The following TMEM254 variants were observed in gnomAD, a reference collection of about 807,000 sequenced individuals.
The protein encoded by TMEM254 is transmembrane protein C10orf57.
Under a neutral mutation model 13.9 loss-of-function variants are expected in TMEM254, and 16 were observed. That is an observed-to-expected ratio of 1.15 (90% confidence interval 0.78 to 1.75). The LOEUF (loss-of-function observed/expected upper bound fraction) is 1.75. Ranked by LOEUF, TMEM254 falls within the 40% of genes most tolerant of loss-of-function variation. The pLI is 0.00. For synonymous variants in TMEM254, 61 were observed against 56.4 expected (o/e 1.08, Z -0.36); for missense variants, 155 against 149.0 (o/e 1.04, Z -0.21).
At chr10:80,079,211 G>GGGGGGGGGGGC in intron 1 of TMEM254, 1 of 1,000,134 alleles carries the variant, frequency 1.0e-6, no homozygotes, top group Non-Finnish European at 1.4e-6. Context: ...GGCGGGGCGG[G>GGGGGGGGGGGC]CCTCTGTTTT....
intron 1 of TMEM254, chr10:80,079,191 C>A: frequency 2.5e-6 from 1 of 395,188 alleles, no homozygotes; most frequent in Non-Finnish European, 4.8e-6. Context: ...CGCGGTGAGG[C>A]GTGGGGTGGG....
chr10:80,090,717 A>G, intron 3 of TMEM254, 80 bp from the exon 4 acceptor site: 1 of 1,338,082 alleles, frequency 7.5e-7, no homozygotes, highest in Non-Finnish European at 1.0e-6. Context: ...AATTTAAAAA[A>G]TATATATATA....
At chr10:80,079,200 G>C in intron 1 of TMEM254, 1 of 1,284,946 alleles carries the variant, frequency 7.8e-7, no homozygotes, top group Non-Finnish European at 1.0e-6. Flanking sequence ...GCGTGGGGTG[G>C]GGCGGGGCGG....
At position 80,081,866 on chromosome 10, in the gene TMEM254, T is replaced by A. The variant is rs574195575; in HGVS notation, c.113T>A (p.Ile38Asn). ...TGGGTTGTCTTCTGGCCTCAGAGTA[T>A]CCCTTATCAGAACCTTGGGCCCCTG... ...YTWVVFWPQS[I>N]PYQNLGPLGP... The change falls in exon 2 of 4, where the codon ATC becomes AAC. Residue 38 changes from isoleucine to asparagine, a missense_variant. Physicochemically the swap from Ile to Asn is moderately radical, Grantham distance 149. Coordinates refer to ENST00000372281, the MANE Select transcript of TMEM254 (RefSeq NM_025125.4). 6.2e-7 allele frequency: 1 copy of A among 1,614,228 alleles called. No individual in the cohort carries two copies. Among genetic ancestry groups the A allele is most frequent in the South Asian group, 1.1e-5 (1 of 91,078 alleles).
rs746033792 is a variant in TMEM254, at chr10:80,090,781, G to GT, written c.252-10dup. 2.5e-6 allele frequency: 4 copies of GT among 1,603,436 alleles called. No homozygotes were observed. The highest frequency in any genetic ancestry group is 3.5e-5 in the Admixed American group (2 of 56,894). On this transcript the variant is annotated splice_polypyrimidine_tract_variant and intron_variant, in intron 3 of 3. Coordinates refer to ENST00000372281, the MANE Select transcript of TMEM254 (RefSeq NM_025125.4). The stretch of plus-strand genomic sequence containing the variant: ...GATTAACATCTCGTGTTTAAATTTT[G>GT]TTTTTTCTGTTTTAGGCATAAAGGC...
At chr10:80,081,590 C>A in intron 1 of TMEM254, 2 of 1,195,966 alleles carry the variant, frequency 1.7e-6, no homozygotes, top group Non-Finnish European at 2.4e-6. Flanking sequence ...ATGGATTGAG[C>A]CCAGATGGTG....
At chr10:80,083,886 G>C (rs2132283731) in intron 3 of TMEM254, among the ~76,000 whole-genome samples, 1 of 152,072 alleles carries the variant, frequency 6.6e-6, no homozygotes, top group Admixed American at 6.5e-5. Flanking sequence ...AAACCATCCT[G>C]GCCAACATGA....
chr10:80,079,414 C>G, intron 1 of TMEM254: 1 of 1,078,168 alleles, frequency 9.3e-7, no homozygotes, highest in East Asian at 8.0e-5. Flanking sequence ...GAGCCTAAGC[C>G]TCTCACGAAG....
At chr10:80,078,937 C>A (rs541845834) in intron 1 of TMEM254, 151 bp downstream of exon 1, 4 of 1,525,636 alleles carry the variant, frequency 2.6e-6, no homozygotes, top group Non-Finnish European at 3.5e-6. Context: ...GGGGACCAGA[C>A]TCCGCAATGA....
chr10:80,084,471 A>G (rs1436242685), intron 3 of TMEM254, among the ~76,000 whole-genome samples: 1 of 152,174 alleles, frequency 6.6e-6, no homozygotes, highest in African/African-American at 2.4e-5. Flanking sequence ...GGGATAATCT[A>G]CAAGTGCATG....
rs973722916 is a variant in TMEM254 at position 80,079,502 on chromosome 10, A to G, written c.87+716A>G. On this transcript the variant is annotated intron_variant, in intron 1 of 3. Transcript: ENST00000372281. ...TCCGAAGCAGAATGTTTGAGCCAATAGGAATTGTTTGGAAAACGGGGATAA... is the reference window on the plus strand; with the variant it reads ...TCCGAAGCAGAATGTTTGAGCCAATGGGAATTGTTTGGAAAACGGGGATAA... 9.8e-6 allele frequency: 10 copies of G among 1,018,244 alleles called. No individual in the cohort carries two copies. The East Asian group carries it at 4.8e-4, about 49-fold the overall frequency. 63.1% of individuals were successfully genotyped at this position (1,018,244 alleles called of 1,614,324 possible). A position where few individuals can be genotyped will look rare whatever the true frequency, so the allele number is the denominator to read the frequency against.
rs1007747163 is a variant in TMEM254 at position 80,079,336 on chromosome 10, A to C, written c.87+550A>C. 5.0e-6 allele frequency: 6 copies of C among 1,190,754 alleles called. No individual in the cohort carries two copies. In the African/African-American group the frequency reaches 8.0e-5, roughly 16 times the overall value. The allele number at this position is 1,190,754 out of a possible 1,614,324, so 73.8% of individuals were successfully genotyped here. ...AGCGGAAATTCGGTGGGCTCTTAGGATAGTTTCTGCTTTCTAGTGTTCCTG... is the reference window on the plus strand; with the variant it reads ...AGCGGAAATTCGGTGGGCTCTTAGGCTAGTTTCTGCTTTCTAGTGTTCCTG... On this transcript the variant is annotated intron_variant, in intron 1 of 3. Transcript: ENST00000372281.
At chr10:80,085,557 ACT>A (rs1193958525) in intron 3 of TMEM254, among the ~76,000 whole-genome samples, 1 of 151,160 alleles carries the variant, frequency 6.6e-6, no homozygotes, top group Non-Finnish European at 1.5e-5. Context: ...ACAAAGTGAG[ACT>A]CTGTCTCAAA....
At chr10:80,079,213 C>G (rs894118575) in intron 1 of TMEM254, 33 of 1,279,314 alleles carry the variant, frequency 2.6e-5, no homozygotes, top group Non-Finnish European at 3.3e-5. Context: ...CGGGGCGGGC[C>G]TCTGTTTTGG....
chr10:80,089,732 G>A (rs767884896), intron 3 of TMEM254, among the ~76,000 whole-genome samples: 1 of 152,044 alleles, frequency 6.6e-6, no homozygotes, highest in East Asian at 1.9e-4. Context: ...AGCCGGGCGT[G>A]GTGGCTCACG....
Position 80,086,180 on chromosome 10 carries a change from T to A in TMEM254, c.251+3976T>A, listed in dbSNP as rs916518472. ...GTCTTGGTGGAATCATTAAGGGAAA[T>A]GTGAATTAAATTAAGAAAACTTTCT... On this transcript the variant is annotated intron_variant, in intron 3 of 3. Coordinates refer to ENST00000372281, the MANE Select transcript of TMEM254 (RefSeq NM_025125.4). 8 of 1,243,188 alleles carry A rather than the reference T, an allele frequency of 6.4e-6. No homozygotes were observed. The African/African-American group carries it at 1.1e-4, about 17-fold the overall frequency. The allele number at this position is 1,243,188 out of a possible 1,614,324, so 77.0% of individuals were successfully genotyped here.
intron 3 of TMEM254, among the ~76,000 whole-genome samples, chr10:80,085,264 T>A (rs1054520300): frequency 7.9e-5 from 12 of 152,058 alleles, no homozygotes; most frequent in African/African-American, 2.7e-4. Flanking sequence ...ATATTCCTTT[T>A]GAATTATGAG....
intron 3 of TMEM254, among the ~76,000 whole-genome samples, chr10:80,089,531 C>T (rs959604555): frequency 6.6e-6 from 1 of 151,986 alleles, no homozygotes; most frequent in Non-Finnish European, 1.5e-5. Context: ...AAAACCTAGC[C>T]AGGCATGGTG....
In TMEM254 at chr10:80,079,458, G is replaced by T. The variant is rs577805146; in HGVS notation, c.87+672G>T. The T allele has an allele frequency of 3.7e-5, 39 of 1,056,988 alleles. 2 individuals carry two copies. In the South Asian group the frequency reaches 1.1e-3, roughly 31 times the overall value. 65.5% of individuals were successfully genotyped at this position (1,056,988 alleles called of 1,614,324 possible). ...CAAGTTAACAGACTGCCATAGGCCT[G>T]CCAAGTCAGAATAGGGCTTCCGAAG... On this transcript the variant is annotated intron_variant, in intron 1 of 3. Transcript: ENST00000372281.
Sources: allele counts gnomAD v4.1 joint callset (sites outside exome capture counted in the v4.1 genomes callset), GRCh38; gene constraint gnomAD v4.1.1; transcripts MANE v1.5; gene names NCBI Gene and HGNC (gene_info 2026-07-23, HGNC 2026-07-21).